The following CAMK1D variants were observed in gnomAD, a reference collection of about 807,000 sequenced individuals.
The protein encoded by CAMK1D is calcium/calmodulin-dependent protein kinase type 1D.
CAMK1D carries 9 observed loss-of-function variants against 47.7 expected under a neutral mutation model. The ratio of observed to expected loss-of-function variants is 0.19; its 90% CI spans 0.11 to 0.33. The LOEUF (loss-of-function observed/expected upper bound fraction) is 0.33, where lower values mean the gene tolerates loss of function less well. CAMK1D is among the 10% of genes least tolerant of loss of function. The pLI, the probability that CAMK1D is intolerant of heterozygous loss-of-function variation, is 1.00. For missense variants in CAMK1D, 291 were observed against 488.7 expected, an observed-to-expected ratio of 0.60 and a Z score of 3.81; for synonymous variants, 184 against 184.9, an observed-to-expected ratio of 0.99 and a Z score of 0.04.
chr10:12,647,527 C>T lies in CAMK1D; in HGVS notation c.225-19209C>T, dbSNP rs185004040. On this transcript the variant is annotated intron_variant, in intron 2 of 10. Coordinates refer to ENST00000619168, the MANE Select transcript of CAMK1D (RefSeq NM_153498.4). ...TGTATACCAATGCTTTGTAGAAAAG[C>T]AGTTGTTGTAAATATATATATACAT... 1.8e-3 allele frequency among the ~76,000 whole-genome samples: 272 copies of T among 152,214 alleles called. 1 individual carries two copies. Among genetic ancestry groups the T allele is most frequent in the Middle Eastern group, 0.017 (5 of 294 alleles).
At chr10:12,751,397 G>T (rs1265702490) in intron 3 of CAMK1D, among the ~76,000 whole-genome samples, 1 of 152,098 alleles carries the variant, frequency 6.6e-6, no homozygotes, top group Non-Finnish European at 1.5e-5. Context: ...AGGAATACAG[G>T]AGCTCCACCC....
intron 1 of CAMK1D, among the ~76,000 whole-genome samples, chr10:12,542,929 A>G (rs1192321482): frequency 6.6e-6 from 1 of 152,088 alleles, no homozygotes; most frequent in Non-Finnish European, 1.5e-5. Context: ...TATTTTAGGT[A>G]GAGATGGGGT....
chr10:12,617,655 G>C (rs1416785172), intron 2 of CAMK1D, among the ~76,000 whole-genome samples: 1 of 152,148 alleles, frequency 6.6e-6, no homozygotes, highest in African/African-American at 2.4e-5. Flanking sequence ...CATCCCTAGT[G>C]GTGAGCACGC....
At chr10:12,492,061 A>G (rs1433059127) in intron 1 of CAMK1D, among the ~76,000 whole-genome samples, 1 of 152,214 alleles carries the variant, frequency 6.6e-6, no homozygotes, top group Non-Finnish European at 1.5e-5. Context: ...CTGAGATCAC[A>G]GGTGTGAGCC....
At chr10:12,808,987 T>C (rs575743596) in intron 6 of CAMK1D, among the ~76,000 whole-genome samples, 1 of 151,820 alleles carries the variant, frequency 6.6e-6, no homozygotes, top group East Asian at 1.9e-4. Context: ...TGTGGTGGTG[T>C]GCACCTGTAA....
chr10:12,428,374 C>T (rs1213470822), intron 1 of CAMK1D, among the ~76,000 whole-genome samples: 1 of 152,164 alleles, frequency 6.6e-6, no homozygotes, highest in Non-Finnish European at 1.5e-5. Flanking sequence ...ATATAGATAG[C>T]TTGTTAAAGA....
intron 1 of CAMK1D, among the ~76,000 whole-genome samples, chr10:12,421,768 C>G (rs1272349796): frequency 6.6e-6 from 1 of 150,884 alleles, no homozygotes; most frequent in East Asian, 2.0e-4. Flanking sequence ...TTGATAGTTC[C>G]TGATCATGCC....
At chr10:12,746,700 G>A (rs74921834) in intron 3 of CAMK1D, among the ~76,000 whole-genome samples, 2,423 of 152,246 alleles carry the variant, frequency 0.016, 37 homozygotes, top group South Asian at 0.033. Context: ...GGAAAGGAGC[G>A]TTTCACAGGA....
intron 2 of CAMK1D, among the ~76,000 whole-genome samples, chr10:12,646,993 C>G (rs991789893): frequency 2.6e-5 from 4 of 151,816 alleles, no homozygotes; most frequent in African/African-American, 4.8e-5. Flanking sequence ...AGGGCATGTG[C>G]CACCTCGCCT....
chr10:12,681,655 T>G (rs1832440236), intron 3 of CAMK1D, among the ~76,000 whole-genome samples: 1 of 152,276 alleles, frequency 6.6e-6, no homozygotes, highest in Non-Finnish European at 1.5e-5. Flanking sequence ...CTAAGCTAAC[T>G]GCCCCATAGT....
At chr10:12,367,187 A>G (rs1837861701) in intron 1 of CAMK1D, among the ~76,000 whole-genome samples, 1 of 152,042 alleles carries the variant, frequency 6.6e-6, no homozygotes, top group Non-Finnish European at 1.5e-5. Flanking sequence ...AGACACAGGA[A>G]GCCAGCTTCT....
chr10:12,362,566 C>G (rs980419049), intron 1 of CAMK1D, among the ~76,000 whole-genome samples: 3 of 151,942 alleles, frequency 2.0e-5, no homozygotes, highest in African/African-American at 7.2e-5. Flanking sequence ...GGCGCCATCT[C>G]AGCTCACTGC....
intron 2 of CAMK1D, among the ~76,000 whole-genome samples, chr10:12,566,178 CA>C (rs1837119024): frequency 6.6e-6 from 1 of 152,102 alleles, no homozygotes; most frequent in Admixed American, 6.5e-5. Context: ...GTGGGCTCTC[CA>C]AATGTTTGCT....
At chr10:12,385,924 T>G (rs1452231855) in intron 1 of CAMK1D, among the ~76,000 whole-genome samples, 3 of 152,112 alleles carry the variant, frequency 2.0e-5, no homozygotes, top group Admixed American at 1.3e-4. Flanking sequence ...TTTTGTATTT[T>G]TAGTAGAAAC....
At chr10:12,426,771 A>G (rs1189367976) in intron 1 of CAMK1D, among the ~76,000 whole-genome samples, 1 of 151,194 alleles carries the variant, frequency 6.6e-6, no homozygotes, top group Non-Finnish European at 1.5e-5. Flanking sequence ...CTGGAGTGCA[A>G]TGGCGCTATC....
intron 1 of CAMK1D, among the ~76,000 whole-genome samples, chr10:12,418,998 C>G (rs1365588244): frequency 1.3e-5 from 2 of 152,286 alleles, no homozygotes; most frequent in East Asian, 3.9e-4. Flanking sequence ...GAGCAGCTGC[C>G]TGTTTCAACA....
chr10:12,563,544 C>T (rs904677206), intron 2 of CAMK1D, among the ~76,000 whole-genome samples: 1 of 152,152 alleles, frequency 6.6e-6, no homozygotes, highest in African/African-American at 2.4e-5. Flanking sequence ...TACTGTTTTA[C>T]CGGCTGTCTG....
intron 1 of CAMK1D, among the ~76,000 whole-genome samples, chr10:12,403,179 T>C (rs1839289996): frequency 6.6e-6 from 1 of 152,214 alleles, no homozygotes; most frequent in Non-Finnish European, 1.5e-5. Flanking sequence ...GAGGACCACG[T>C]TGGACACGTG....
chr10:12,471,103 T>C (rs1227045078), intron 1 of CAMK1D, among the ~76,000 whole-genome samples: 1 of 152,232 alleles, frequency 6.6e-6, no homozygotes, highest in Non-Finnish European at 1.5e-5. Flanking sequence ...TTCTACTTTC[T>C]TGTGTGCCTG....
Sources: allele counts gnomAD v4.1 joint callset (sites outside exome capture counted in the v4.1 genomes callset), GRCh38; gene constraint gnomAD v4.1.1; transcripts MANE v1.5; gene names NCBI Gene and HGNC (gene_info 2026-07-23, HGNC 2026-07-21).